Variants in DLC1 observed in about 807,000 individuals in gnomAD.
DLC1 encodes the protein rho GTPase-activating protein 7.
In DLC1, 54 loss-of-function variants were observed where a neutral mutation model predicts 140.3. That is an observed-to-expected ratio of 0.38 (90% CI 0.31 to 0.48). The LOEUF (loss-of-function observed/expected upper bound fraction) is 0.48, where lower values mean the gene tolerates loss of function less well. Among genes scored for constraint, DLC1 ranks in the 20% least tolerant of loss-of-function variants. The pLI is 0.96. For synonymous variants in DLC1, 986 were observed against 728.1 expected (o/e 1.35, Z -5.70); for missense variants, 2,536 against 1,907.0 (o/e 1.33, Z -6.14).
chr8:13,500,161 A>C lies in DLC1; in HGVS notation c.-90T>G. The C allele has an allele frequency of 1.1e-5, 14 of 1,226,560 alleles. No homozygotes were observed. The highest frequency in any genetic ancestry group is 1.6e-5 in the Non-Finnish European group (14 of 883,296). 76.0% of individuals were successfully genotyped at this position (1,226,560 alleles called of 1,614,324 possible). On this transcript the variant is annotated 5_prime_UTR_variant, in exon 2 of 18. It adds an upstream start codon to the 5' untranslated region. Coordinates refer to ENST00000276297, the MANE Select transcript of DLC1 (RefSeq NM_182643.3). The stretch of plus-strand genomic sequence containing the variant: ...GATGAAAGATTATTTCAAAATCACC[A>C]ATCAAAGAAGCGAATGAGTTCTGTC...
chr8:13,392,504 T>C (rs926866823), intron 4 of DLC1, among the ~76,000 whole-genome samples: 9 of 152,186 alleles, frequency 5.9e-5, no homozygotes, highest in Admixed American at 3.3e-4. Context: ...CAGAGTATTA[T>C]CTTTTGAGTC....
chr8:13,140,145 T>C (rs1321196480), intron 5 of DLC1, among the ~76,000 whole-genome samples: 2 of 152,210 alleles, frequency 1.3e-5, no homozygotes, highest in East Asian at 3.9e-4. Flanking sequence ...GGCAGAATCA[T>C]ACAACAGTTG....
intron 1 of DLC1, chr8:13,567,693 T>C (rs140974241): frequency 7.7e-6 from 12 of 1,551,986 alleles, no homozygotes; most frequent in Non-Finnish European, 1.0e-5. Context: ...TAGATGAACA[T>C]CTTCATACCA....
At chr8:13,154,113 A>G (rs549338808) in intron 5 of DLC1, among the ~76,000 whole-genome samples, 2 of 152,262 alleles carry the variant, frequency 1.3e-5, no homozygotes, top group African/African-American at 4.8e-5. Context: ...TGTGTTTACA[A>G]TCCTTTAGCT....
intron 2 of DLC1, among the ~76,000 whole-genome samples, chr8:13,460,840 A>G (rs567614047): frequency 6.6e-6 from 1 of 152,334 alleles, no homozygotes; most frequent in East Asian, 1.9e-4. Flanking sequence ...TTGATTCTGG[A>G]AACAGTTTTC....
At chr8:13,218,446 C>G (rs1164391686) in intron 5 of DLC1, among the ~76,000 whole-genome samples, 3 of 151,828 alleles carry the variant, frequency 2.0e-5, no homozygotes, top group Non-Finnish European at 4.4e-5. Context: ...AAGAGACAAC[C>G]CAAATAATAA....
Position 13,094,946 on chromosome 8 carries a change from G to T in DLC1, c.3339C>A (p.Phe1113Leu), listed in dbSNP as rs759618471. Reference sequence around the variant, plus strand: ...TCCGGGACTTGACCCCCGATTTTCTGAAGAGCCCAACCTGTCGGAAGAGCA... The same window carrying T: ...TCCGGGACTTGACCCCCGATTTTCTTAAGAGCCCAACCTGTCGGAAGAGCA... ...RNHCLDQVGLFRKSGVKSRIQ... is the reference protein window; with the variant it reads ...RNHCLDQVGLLRKSGVKSRIQ... Residue 1113 changes from phenylalanine to leucine, a missense_variant, in exon 12 of 18, where the codon TTC becomes TTA. Transcript: ENST00000276297. 2.5e-6 allele frequency: 4 copies of T among 1,614,066 alleles called. No homozygotes were observed. Among genetic ancestry groups the T allele is most frequent in the Non-Finnish European group, 3.4e-6 (4 of 1,180,048 alleles).
intron 5 of DLC1, among the ~76,000 whole-genome samples, chr8:13,122,357 T>G (rs1158390093): frequency 1.3e-5 from 2 of 152,168 alleles, no homozygotes; most frequent in Non-Finnish European, 2.9e-5. Flanking sequence ...CTCTCATACC[T>G]TAAGCCCTGA....
chr8:13,510,397 G>A (rs558940152), intron 1 of DLC1, among the ~76,000 whole-genome samples: 16 of 152,078 alleles, frequency 1.1e-4, no homozygotes, highest in South Asian at 1.0e-3. Flanking sequence ...GGCTGGTCTC[G>A]AATTCTTGAC....
At chr8:13,420,814 G>A (rs975514907) in intron 2 of DLC1, among the ~76,000 whole-genome samples, 8 of 151,942 alleles carry the variant, frequency 5.3e-5, no homozygotes, top group African/African-American at 1.9e-4. Flanking sequence ...CTTTATAGTG[G>A]CTCCATATAA....
chr8:13,382,527 A>AAAG, intron 4 of DLC1, among the ~76,000 whole-genome samples: 1 of 149,468 alleles, frequency 6.7e-6, no homozygotes, highest in East Asian at 2.0e-4. Context: ...AAAAAAAAAA[A>AAAG]AAAAAGAAAG....
In DLC1 at chr8:13,371,218, C is replaced by G. The variant is rs542994958; in HGVS notation, c.1314+22335G>C. Among the ~76,000 whole-genome samples, 45 of 152,206 alleles carry G rather than the reference C, an allele frequency of 3.0e-4. 1 individual carries two copies. The highest frequency in any genetic ancestry group is 1.1e-3 in the African/African-American group (44 of 41,538). On this transcript the variant is annotated intron_variant, in intron 4 of 17. Transcript: ENST00000276297. ...TGTATCTTGAATCCATGTATGCCTC[C>G]TCTTCCTCTTTGCTATTACCTCAGT...
rs549102838 is a variant in DLC1, at chr8:13,332,592, C to T, written c.1315-27290G>A. Reference sequence around the variant, plus strand: ...ATTACAGATGTCCACCACCACGCCCCGCTAATTTTTGTATGTTTAGTAGAG... The same window carrying T: ...ATTACAGATGTCCACCACCACGCCCTGCTAATTTTTGTATGTTTAGTAGAG... On this transcript the variant is annotated intron_variant, in intron 4 of 17. Coordinates refer to ENST00000276297, the MANE Select transcript of DLC1 (RefSeq NM_182643.3). Among the ~76,000 whole-genome samples the T allele has an allele frequency of 1.5e-3, 210 of 140,194 alleles. 2 individuals are homozygous for T. The highest frequency in any genetic ancestry group is 5.3e-3 in the African/African-American group (200 of 37,994). 92.0% of individuals were successfully genotyped at this position (140,194 alleles called of 152,430 possible). A position where few individuals can be genotyped will look rare whatever the true frequency, so the allele number is the denominator to read the frequency against.
intron 1 of DLC1, among the ~76,000 whole-genome samples, chr8:13,569,216 C>G (rs1429389256): frequency 6.6e-6 from 1 of 152,094 alleles, no homozygotes; most frequent in Non-Finnish European, 1.5e-5. Flanking sequence ...GTGGCATTAC[C>G]TGGAGATCAC....
chr8:13,361,532 C>G (rs1397139607), intron 4 of DLC1, among the ~76,000 whole-genome samples: 2 of 152,054 alleles, frequency 1.3e-5, no homozygotes, highest in African/African-American at 4.8e-5. Flanking sequence ...TTTCAAGTAG[C>G]TGGGATTACA....
intron 2 of DLC1, among the ~76,000 whole-genome samples, chr8:13,477,924 CAT>C (rs1438753478): frequency 6.6e-6 from 1 of 151,856 alleles, no homozygotes; most frequent in Non-Finnish European, 1.5e-5. Context: ...ATACCAATAA[CAT>C]ATTAAAAAAC....
intron 1 of DLC1, among the ~76,000 whole-genome samples, chr8:13,524,720 C>A (rs986797655): frequency 1.4e-5 from 2 of 146,878 alleles, no homozygotes; most frequent in Non-Finnish European, 1.5e-5. Flanking sequence ...TTTTTTTTTT[C>A]ATCTCTGAGC....
At chr8:13,192,864 G>A (rs73663619) in intron 5 of DLC1, among the ~76,000 whole-genome samples, 13,140 of 152,244 alleles carry the variant, frequency 0.086, 650 homozygotes, top group African/African-American at 0.13. Flanking sequence ...GGAGGAATCC[G>A]ACACTGCTGG....
intron 5 of DLC1, among the ~76,000 whole-genome samples, chr8:13,143,671 T>C (rs1475490962): frequency 6.6e-6 from 1 of 151,698 alleles, no homozygotes; most frequent in Admixed American, 6.6e-5. Context: ...CTTAGCCTCT[T>C]AAAGTGCTGG....
Sources: allele counts gnomAD v4.1 joint callset (sites outside exome capture counted in the v4.1 genomes callset), GRCh38; gene constraint gnomAD v4.1.1; transcripts MANE v1.5; gene names NCBI Gene and HGNC (gene_info 2026-07-23, HGNC 2026-07-21).